The following C6 variants were observed in gnomAD, a reference collection of about 807,000 sequenced individuals.
C6 encodes the protein complement component C6.
C6 carries 101 observed loss-of-function variants against 112.9 expected under a neutral mutation model. The observed-to-expected ratio is 0.89, with a 90% CI of 0.76 to 1.06. The LOEUF is 1.06. C6 is among the 50% of genes least tolerant of loss of function. The pLI, the probability that C6 is intolerant of heterozygous loss-of-function variation, is 0.00. For synonymous variants in C6, 431 were observed against 384.1 expected, an observed-to-expected ratio of 1.12 and a Z score of -1.43; for missense variants, 1,202 against 1,104.6, an observed-to-expected ratio of 1.09 and a Z score of -1.25.
intron 13 of C6, among the ~76,000 whole-genome samples, chr5:41,155,824 G>T (rs1466787873): frequency 1.3e-5 from 2 of 151,840 alleles, no homozygotes; most frequent in Non-Finnish European, 2.9e-5. Flanking sequence ...TCCTACTATT[G>T]CTAGAATAGA....
chr5:41,199,485 T>G (rs983176120), intron 4 of C6, among the ~76,000 whole-genome samples: 2 of 152,224 alleles, frequency 1.3e-5, no homozygotes, highest in Non-Finnish European at 2.9e-5. Flanking sequence ...ATTCTTGTCA[T>G]AATAAATTAT....
chr5:41,171,375 C>T (rs1222009217), intron 9 of C6, among the ~76,000 whole-genome samples: 1 of 152,092 alleles, frequency 6.6e-6, no homozygotes, highest in African/African-American at 2.4e-5. Flanking sequence ...CTGCAAGGCT[C>T]CTTATAAACA....
chr5:41,149,217 A>T, intron 17 of C6, 24 bp downstream of exon 17: 1 of 1,613,552 alleles, frequency 6.2e-7, no homozygotes, highest in Non-Finnish European at 8.5e-7. Flanking sequence ...GAGAGCATTT[A>T]GTATGGTCAC....
chr5:41,254,323 G>A (rs781746126), intron 1 of C6, among the ~76,000 whole-genome samples: 3 of 152,040 alleles, frequency 2.0e-5, no homozygotes, highest in Non-Finnish European at 2.9e-5. Context: ...GGAGAATGGC[G>A]TGAACCCAGG....
chr5:41,236,815 T>C (rs1740340794), intron 1 of C6, among the ~76,000 whole-genome samples: 1 of 126,862 alleles, frequency 7.9e-6, no homozygotes, highest in African/African-American at 3.1e-5. Flanking sequence ...ATCAACAAAA[T>C]TGATAGACCG....
intron 1 of C6, among the ~76,000 whole-genome samples, chr5:41,256,334 C>T (rs1242812992): frequency 2.7e-5 from 4 of 148,818 alleles, no homozygotes; most frequent in East Asian, 2.0e-4. Flanking sequence ...TGCTAGATGA[C>T]GAGTTAGTGG....
At chr5:41,226,305 CA>C (rs1401540036) in intron 1 of C6, among the ~76,000 whole-genome samples, 1 of 152,160 alleles carries the variant, frequency 6.6e-6, no homozygotes, top group Non-Finnish European at 1.5e-5. Context: ...TATGAACAGA[CA>C]CTTCTCAAAA....
Position 41,153,936 on chromosome 5 carries a change from A to G in C6, c.2164T>C (p.Tyr722His), listed in dbSNP as rs1430665983. ...AGCTCAATGGATTCACCAATTCTATACAATCTCTGAAATGGTGTAATTGTC... is the reference window on the plus strand; with the variant it reads ...AGCTCAATGGATTCACCAATTCTATGCAATCTCTGAAATGGTGTAATTGTC... Reference protein sequence around the residue: ...VLTITPFQRLYRIGESIELTC... With the variant: ...VLTITPFQRLHRIGESIELTC... The change falls in exon 15 of 18, where the codon TAT becomes CAT. Residue 722 changes from tyrosine to histidine, a missense_variant. Physicochemically the swap from Tyr to His is moderately conservative, Grantham distance 83 (BLOSUM62 2). Transcript: ENST00000337836. The G allele has an allele frequency of 6.2e-7, 1 of 1,613,726 alleles. No individual in the cohort carries two copies. Among genetic ancestry groups the G allele is most frequent in the Non-Finnish European group, 8.5e-7 (1 of 1,179,686 alleles).
rs1750869239 is a variant in C6, at chr5:41,199,775, A to G, written c.438T>C (p.Cys146=). 6.2e-7 allele frequency: 1 copy of G among 1,613,714 alleles called. No individual in the cohort carries two copies. The highest frequency in any genetic ancestry group is 1.3e-5 in the African/African-American group (1 of 75,036). The part of the protein sequence containing the change: ...EEADCKNKFR[C]DSGRCIARKL... ...TTCACAAAAATACATTACCACTGTC[A>G]CAGCGAAATTTATTCTTGCAGTCAG... Residue 146 remains cysteine (C), a synonymous_variant, in exon 4 of 18, where the codon TGT becomes TGC. Coordinates refer to ENST00000337836, the MANE Select transcript of C6 (RefSeq NM_000065.5).
At chr5:41,178,015 T>C (rs1748996792) in intron 7 of C6, among the ~76,000 whole-genome samples, 1 of 152,152 alleles carries the variant, frequency 6.6e-6, no homozygotes, top group Admixed American at 6.5e-5. Flanking sequence ...TATTTCCAGG[T>C]TTCTTTAAGG....
chr5:41,185,877 A>G (rs1749726298), intron 6 of C6, among the ~76,000 whole-genome samples, 193 bp downstream of exon 6: 1 of 152,194 alleles, frequency 6.6e-6, no homozygotes, highest in Non-Finnish European at 1.5e-5. Context: ...TAGTTACCTT[A>G]GTTTTTTCAT....
At chr5:41,181,225 T>C in intron 7 of C6, 134 bp downstream of exon 7, 1 of 773,232 alleles carries the variant, frequency 1.3e-6, no homozygotes, top group Non-Finnish European at 2.1e-6. Flanking sequence ...TAACAAAAAA[T>C]GGAAAAATTA....
chr5:41,161,905 T>C (rs1482774071), intron 9 of C6, 46 bp from the exon 10 acceptor site: 1 of 1,589,036 alleles, frequency 6.3e-7, no homozygotes, highest in Non-Finnish European at 8.6e-7. Flanking sequence ...TTAGTGCAAA[T>C]TCCTATTCTA....
intron 1 of C6, among the ~76,000 whole-genome samples, chr5:41,240,744 G>T (rs1740654184): frequency 1.3e-5 from 2 of 152,230 alleles, no homozygotes; most frequent in Admixed American, 6.5e-5. Flanking sequence ...GGCCTCTGGT[G>T]GTGCACACAT....
intron 17 of C6, among the ~76,000 whole-genome samples, chr5:41,143,779 T>C (rs1745566217): frequency 6.6e-6 from 1 of 152,196 alleles, no homozygotes; most frequent in South Asian, 2.1e-4. Flanking sequence ...TATTGGGTTA[T>C]GCCTGGGGAT....
chr5:41,247,654 C>T (rs1741103559), intron 1 of C6, among the ~76,000 whole-genome samples: 1 of 150,320 alleles, frequency 6.7e-6, no homozygotes, highest in African/African-American at 2.5e-5. Flanking sequence ...GGAGGTGGAG[C>T]CTGCAGTGAG....
chr5:41,198,099 A>G (rs13436351), intron 4 of C6, among the ~76,000 whole-genome samples: 23,379 of 152,190 alleles, frequency 0.15, 1,872 homozygotes, highest in Admixed American at 0.23. Flanking sequence ...GGTATATTGC[A>G]TGGGAATTAA....
rs138963308 is a variant in C6, at chr5:41,205,030, G to A, written c.-20-1780C>T. Among the ~76,000 whole-genome samples, 46 of 152,212 alleles carry A rather than the reference G, an allele frequency of 3.0e-4. No homozygotes were observed. In the East Asian group the frequency reaches 7.5e-3, roughly 25 times the overall value. ...AATCCATTGACGTATGGCTGAATAT[G>A]TCTTTCAATTTAAAATGGAATGAAC... is the stretch of plus-strand genomic sequence containing the variant. On this transcript the variant is annotated intron_variant, in intron 1 of 17. Transcript: ENST00000337836.
chr5:41,179,685 A>ATATATATAAATTATATATAGT (rs1274564298), intron 7 of C6, among the ~76,000 whole-genome samples: 1 of 148,150 alleles, frequency 6.7e-6, no homozygotes, highest in Non-Finnish European at 1.5e-5. Context: ...ATGTTATATT[A>ATATATATAAATTATATATAGT]TATATATAAA....
Sources: gnomAD v4.1 joint callset for allele counts (sites outside exome capture counted in the v4.1 genomes callset) on GRCh38, gnomAD v4.1.1 for gene constraint, MANE v1.5 for transcripts, NCBI Gene and HGNC (gene_info 2026-07-23, HGNC 2026-07-21) for gene names.